NPAT: variants seen among roughly 807,000 people sequenced by gnomAD.
The protein encoded by NPAT is protein NPAT.
NPAT carries 52 observed loss-of-function variants against 130.7 expected under a neutral mutation model. The observed-to-expected ratio is 0.40, with a 90% CI of 0.32 to 0.50. NPAT has a LOEUF of 0.50. NPAT is among the 20% of genes least tolerant of loss of function. NPAT has a pLI of 0.68. For synonymous variants in NPAT, 580 were observed against 584.8 expected (o/e 0.99, Z 0.12); for missense variants, 1,687 against 1,662.6 (o/e 1.01, Z -0.26).
At chr11:108,165,407 GTTTCT>G (rs1211311167) in intron 15 of NPAT, among the ~76,000 whole-genome samples, 1 of 147,402 alleles carries the variant, frequency 6.8e-6, no homozygotes, top group Non-Finnish European at 1.5e-5. Flanking sequence ...ACTGCACCCA[GTTTCT>G]TTTATTTTCT....
intron 6 of NPAT, among the ~76,000 whole-genome samples, chr11:108,188,899 G>A (rs532197042): frequency 3.9e-5 from 6 of 152,128 alleles, no homozygotes; most frequent in African/African-American, 7.2e-5. Context: ...TTCAATTAGC[G>A]TAGAAATAGG....
intron 1 of NPAT, among the ~76,000 whole-genome samples, chr11:108,212,833 C>T (rs191175780): frequency 6.6e-4 from 98 of 148,786 alleles, no homozygotes; most frequent in African/African-American, 2.3e-3. Context: ...TTAATCCCAG[C>T]TGCTAGGGAG....
chr11:108,158,736 T>A lies in NPAT; in HGVS notation c.*206A>T. ...GGCTTTACTTACATTTCTGCAAACG[T>A]TTTTCCCAAAATAAAAATATACCAA... is the stretch of plus-strand genomic sequence containing the variant. On this transcript the variant is annotated 3_prime_UTR_variant, in exon 18 of 18. Transcript: ENST00000278612. The A allele has an allele frequency of 2.0e-6, 1 of 502,672 alleles. No individual in the cohort carries two copies. The highest frequency in any genetic ancestry group is 3.6e-6 in the Non-Finnish European group (1 of 278,702). 31.1% of individuals were successfully genotyped at this position (502,672 alleles called of 1,614,324 possible).
chr11:108,197,141 A>G (rs568590291), intron 2 of NPAT, among the ~76,000 whole-genome samples, 161 bp downstream of exon 2: 26 of 152,336 alleles, frequency 1.7e-4, no homozygotes, highest in African/African-American at 5.5e-4. Flanking sequence ...AATTTGTAAA[A>G]AGAAAAGCTG....
Position 108,172,472 on chromosome 11 carries a change from T to C in NPAT, c.2512A>G (p.Asn838Asp), listed in dbSNP as rs781251034. The C allele has an allele frequency of 4.0e-5, 64 of 1,614,090 alleles. No individual in the cohort carries two copies. The highest frequency in any genetic ancestry group is 5.1e-6 in the Non-Finnish European group (6 of 1,180,024). Residue 838 changes from asparagine (N) to aspartate (D), a missense_variant, in exon 13 of 18, where the codon AAT (asparagine) becomes GAT (aspartate). By Grantham distance (23) the Asn-to-Asp change is conservative. Coordinates refer to ENST00000278612, the MANE Select transcript of NPAT (RefSeq NM_002519.3). ...TCCTTGGAAACACATGGTGTAACAT[T>C]AGCTGAAAAAGCAATGCCATCTTCA... ...QNEDGIAFSA[N>D]VTPCVSKDGG...
intron 1 of NPAT, among the ~76,000 whole-genome samples, chr11:108,197,764 A>G (rs1474072126): frequency 6.6e-6 from 1 of 152,254 alleles, no homozygotes; most frequent in Non-Finnish European, 1.5e-5. Context: ...AAGTCAGTTG[A>G]TGGTATAAAT....
intron 1 of NPAT, among the ~76,000 whole-genome samples, chr11:108,221,674 G>A (rs1267193403): frequency 6.6e-6 from 1 of 152,144 alleles, no homozygotes; most frequent in Non-Finnish European, 1.5e-5. Context: ...TAGGGACGTC[G>A]CATACGACGT....
chr11:108,208,821 A>G (rs2134891696), intron 1 of NPAT, among the ~76,000 whole-genome samples: 1 of 152,366 alleles, frequency 6.6e-6, no homozygotes, highest in South Asian at 2.1e-4. Context: ...AGATAGCTAT[A>G]GAACATTCCA....
At chr11:108,190,873 G>C (rs908174481) in intron 4 of NPAT, among the ~76,000 whole-genome samples, 5 of 152,138 alleles carry the variant, frequency 3.3e-5, no homozygotes, top group African/African-American at 1.2e-4. Flanking sequence ...GAGAGTTCAT[G>C]AACAGCCTGA....
In NPAT at chr11:108,161,142, G is replaced by A. The variant is rs773349032; in HGVS notation, c.3944C>T (p.Ala1315Val). Reference sequence around the variant, plus strand: ...TCCTGTTTCACTGGCAGGGCTGCAGGCAGGCAAGTCTGGGGTGACAGGAGG... The same window carrying A: ...TCCTGTTTCACTGGCAGGGCTGCAGACAGGCAAGTCTGGGGTGACAGGAGG... ...MVPPVTPDLP[A>V]CSPASETGSE... The change falls in exon 17 of 18, where the codon GCC becomes GTC. Residue 1315 changes from alanine (A) to valine (V), a missense_variant. By Grantham distance (64) the Ala-to-Val change is moderately conservative. Coordinates refer to ENST00000278612, the MANE Select transcript of NPAT (RefSeq NM_002519.3). The A allele has an allele frequency of 6.2e-7, 1 of 1,614,072 alleles. No homozygotes were observed. Among genetic ancestry groups the A allele is most frequent in the African/African-American group, 1.3e-5 (1 of 74,930 alleles).
At chr11:108,199,181 C>A (rs1692077992) in intron 1 of NPAT, among the ~76,000 whole-genome samples, 1 of 152,214 alleles carries the variant, frequency 6.6e-6, no homozygotes, top group Non-Finnish European at 1.5e-5. Flanking sequence ...CCTCAGAACT[C>A]CCTGGGCAAC....
intron 3 of NPAT, among the ~76,000 whole-genome samples, chr11:108,193,080 C>T (rs533044697): frequency 5.9e-5 from 9 of 152,236 alleles, no homozygotes; most frequent in South Asian, 2.1e-4. Context: ...TCATCTTATG[C>T]GAATTCTTTA....
At chr11:108,175,660 AAAG>A (rs1328226969) in intron 12 of NPAT, among the ~76,000 whole-genome samples, 5 of 152,200 alleles carry the variant, frequency 3.3e-5, no homozygotes, top group Admixed American at 3.3e-4. Context: ...CAGAGGAATT[AAAG>A]GAGGCACACA....
In NPAT at chr11:108,185,286, T is replaced by A; in HGVS notation, c.852A>T (p.Thr284=). The A allele has an allele frequency of 6.2e-7, 1 of 1,612,364 alleles. No individual in the cohort carries two copies. Among genetic ancestry groups the A allele is most frequent in the Non-Finnish European group, 8.5e-7 (1 of 1,178,946 alleles). Residue 284 remains threonine, a synonymous_variant, in exon 10 of 18, where the codon ACA becomes ACT. Coordinates refer to ENST00000278612, the MANE Select transcript of NPAT (RefSeq NM_002519.3). ...TCTCTGGCTCCGTAGGGTTGTTATCTGTTTGCTTAGGTACTTGGGCAATAT... is the reference window on the plus strand; with the variant it reads ...TCTCTGGCTCCGTAGGGTTGTTATCAGTTTGCTTAGGTACTTGGGCAATAT... ...DNNIAQVPKQ[T]DNNPTEPETS... is the part of the protein sequence containing the mutation.
chr11:108,220,910 G>A (rs1309249508), intron 1 of NPAT, among the ~76,000 whole-genome samples: 2 of 152,198 alleles, frequency 1.3e-5, no homozygotes, highest in Non-Finnish European at 2.9e-5. Context: ...AGTAATGGCA[G>A]GCACATTGCG....
Position 108,197,304 on chromosome 11 carries a change from G to C in NPAT, c.154C>G (p.Leu52Val). The C allele has an allele frequency of 1.3e-6, 2 of 1,563,072 alleles. No homozygotes were observed. Among genetic ancestry groups the C allele is most frequent in the East Asian group, 2.2e-5 (1 of 44,606 alleles). The change falls in exon 2 of 18, where the codon CTG becomes GTG. Residue 52 changes from leucine to valine, a missense_variant and splice_region_variant. Coordinates refer to ENST00000278612, the MANE Select transcript of NPAT (RefSeq NM_002519.3). ...TDEGFIPACL[L>V]SLFGKNLTTI... ...CCCTTAAGGAACAAATAACTCACCA[G>C]TAAGCAGGCTGGAATAAACCCTTCA... is the stretch of plus-strand genomic sequence containing the variant.
At chr11:108,169,885 C>A (rs1266537452) in intron 14 of NPAT, 33 bp from the exon 15 acceptor site, 1 of 1,609,198 alleles carries the variant, frequency 6.2e-7, no homozygotes, top group Admixed American at 1.7e-5. Flanking sequence ...TTACACTAAG[C>A]TTGAAAAGCA....
chr11:108,175,012 C>G (rs1289724735), intron 12 of NPAT, among the ~76,000 whole-genome samples: 2 of 152,156 alleles, frequency 1.3e-5, no homozygotes, highest in African/African-American at 2.4e-5. Flanking sequence ...TTTTTAAAAA[C>G]CAGAACATTT....
At chr11:108,208,154 A>G (rs992619170) in intron 1 of NPAT, among the ~76,000 whole-genome samples, 7 of 152,184 alleles carry the variant, frequency 4.6e-5, no homozygotes, top group African/African-American at 9.7e-5. Context: ...AAATGCTCCA[A>G]TGAACATTTC....
Sources: gnomAD v4.1 joint callset for allele counts (sites outside exome capture counted in the v4.1 genomes callset) on GRCh38, gnomAD v4.1.1 for gene constraint, MANE v1.5 for transcripts, NCBI Gene and HGNC (gene_info 2026-07-23, HGNC 2026-07-21) for gene names.